PRSS56: variants seen among roughly 807,000 people sequenced by gnomAD.
PRSS56 encodes the protein protease, serine 56.
A neutral mutation model predicts 66.8 loss-of-function variants in PRSS56; 55 were observed. That is an observed-to-expected ratio of 0.82 (90% CI 0.66 to 1.03). The LOEUF (loss-of-function observed/expected upper bound fraction) is 1.03. PRSS56 is among the 50% of genes least tolerant of loss of function. The pLI is 0.00. For synonymous variants in PRSS56, 409 were observed against 387.9 expected (o/e 1.05, Z -0.64); for missense variants, 869 against 837.2 (o/e 1.04, Z -0.47).
intron 12 of PRSS56, 56 bp downstream of exon 12, chr2:232,524,900 GC>G: frequency 7.3e-7 from 1 of 1,378,196 alleles, no homozygotes; most frequent in African/African-American, 1.4e-5. Flanking sequence ...CTGAGACCCA[GC>G]CCAGGGAAGA....
chr2:232,524,742 C>A lies in PRSS56; in HGVS notation c.1419C>A (p.Cys473Ter). 6.6e-7 allele frequency: 1 copy of A among 1,522,802 alleles called. No individual in the cohort carries two copies. Among genetic ancestry groups the A allele is most frequent in the Non-Finnish European group, 8.8e-7 (1 of 1,136,762 alleles). The allele number at this position is 1,522,802 out of a possible 1,614,324, so 94.3% of individuals were successfully genotyped here. The change falls in exon 12 of 13, where the codon TGC becomes TGA. Residue 473 changes from cysteine (C) to a stop codon, truncating the protein, a stop_gained. Coordinates refer to ENST00000617714, the MANE Select transcript of PRSS56 (RefSeq NM_001195129.2). LOFTEE classifies it high-confidence loss of function. The stretch of plus-strand genomic sequence containing the variant: ...GGGCCTCTCCTCTTCCTCCAGGCTG[C>A]CCTGGGCTGGAGCCCCTGCGACAGA... The part of the protein sequence containing the change: ...RPEPRGEANG[C>*]PGLEPLRQKL...
In PRSS56 at chr2:232,524,369, G is replaced by A. The variant is rs1349758069; in HGVS notation, c.1414G>A (p.Gly472Ser). The change falls in exon 11 of 13, where the codon GGC becomes AGC. Residue 472 changes from glycine to serine, a missense_variant and splice_region_variant. This residue lies in a region of PRSS56 where 551 missense variants were observed against 506.9 expected (regional missense o/e 1.09). Coordinates refer to ENST00000617714, the MANE Select transcript of PRSS56 (RefSeq NM_001195129.2). ...GCCGGAGCCGCGCGGAGAAGCCAAC[G>A]GTAATGACGCCCCCTGCCGACCTTC... Reference protein sequence around the residue: ...RRPEPRGEANGCPGLEPLRQK... With the variant: ...RRPEPRGEANSCPGLEPLRQK... The A allele has an allele frequency of 6.5e-7, 1 of 1,535,100 alleles. No homozygotes were observed. The highest frequency in any genetic ancestry group is 8.7e-7 in the Non-Finnish European group (1 of 1,146,564).
intron 4 of PRSS56, 85 bp from the exon 5 acceptor site, chr2:232,522,430 A>C: frequency 3.3e-6 from 4 of 1,219,886 alleles, no homozygotes; most frequent in South Asian, 1.6e-5. Context: ...AAAGCCCGGC[A>C]TGCGGGCGGA....
chr2:232,524,101 C>A lies in PRSS56; in HGVS notation c.1249C>A (p.Pro417Thr). 2.6e-6 allele frequency: 4 copies of A among 1,521,348 alleles called. No individual in the cohort carries two copies. Among genetic ancestry groups the A allele is most frequent in the Non-Finnish European group, 3.5e-6 (4 of 1,141,220 alleles). The allele number at this position is 1,521,348 out of a possible 1,614,324, so 94.2% of individuals were successfully genotyped here. The change falls in exon 10 of 13, where the codon CCT (proline) becomes ACT (threonine). Residue 417 changes from proline to threonine, a missense_variant. Pro to Thr is a conservative substitution (Grantham distance 38). Coordinates refer to ENST00000617714, the MANE Select transcript of PRSS56 (RefSeq NM_001195129.2). ...GCGGAACGCGCAGGAGCTGCTCGGG[C>A]CTCGTCCGGGACTGCGGCGCCTGGC... ...LLRNAQELLG[P>T]RPGLRRLAPA... is the part of the protein sequence containing the mutation.
In PRSS56 at chr2:232,523,100, C is replaced by T. The variant is rs1480127071; in HGVS notation, c.747C>T (p.Pro249=). The T allele has an allele frequency of 1.3e-6, 2 of 1,535,258 alleles. No homozygotes were observed. The highest frequency in any genetic ancestry group is 2.4e-5 in the East Asian group (1 of 40,870). The stretch of plus-strand genomic sequence containing the variant: ...AAGCAGTGAGAGAGGCCCGTGTTCC[C>T]CTGCTCAGCACCGACACCTGCCGAA... ...EAEAVREARV[P]LLSTDTCRRA... The change falls in exon 7 of 13, where the codon CCC becomes CCT. Residue 249 remains proline (P), a synonymous_variant. Transcript: ENST00000617714.
chr2:232,524,110 G>A lies in PRSS56; in HGVS notation c.1258G>A (p.Gly420Arg). ...GCAGGAGCTGCTCGGGCCTCGTCCG[G>A]GACTGCGGCGCCTGGCCCCCGCCCT... ...NAQELLGPRP[G>R]LRRLAPALAL... Residue 420 changes from glycine to arginine, a missense_variant, in exon 10 of 13, where the codon GGA becomes AGA. This residue lies in a region of PRSS56 where 551 missense variants were observed against 506.9 expected (regional missense o/e 1.09). Transcript: ENST00000617714. The A allele has an allele frequency of 2.6e-6, 4 of 1,515,460 alleles. No homozygotes were observed. The highest frequency in any genetic ancestry group is 3.5e-6 in the Non-Finnish European group (4 of 1,138,728). 93.9% of individuals were successfully genotyped at this position (1,515,460 alleles called of 1,614,324 possible).
chr2:232,525,506 A>G lies in PRSS56; in HGVS notation c.1812A>G (p.Ter604TrpextTer24). The change falls in exon 13 of 13, where the codon TGA (stop) becomes TGG (tryptophan). Residue 604 changes from the stop codon to tryptophan, a stop_lost. Transcript: ENST00000617714. ...NPQVPPARQP[*>W] ...AGGTACCCCCCGCCAGGCAACCCTG[A>G]GCCATGTCTGGGCCCCCAGCCCCTG... The G allele has an allele frequency of 2.7e-6, 4 of 1,470,882 alleles. No homozygotes were observed. Among genetic ancestry groups the G allele is most frequent in the Non-Finnish European group, 3.6e-6 (4 of 1,109,992 alleles). 91.1% of individuals were successfully genotyped at this position (1,470,882 alleles called of 1,614,324 possible).
intron 8 of PRSS56, 41 bp from the exon 9 acceptor site, chr2:232,523,731 C>G: frequency 6.5e-7 from 1 of 1,533,550 alleles, no homozygotes; most frequent in Non-Finnish European, 8.7e-7. Flanking sequence ...GGCTAGGGCC[C>G]CAAACAGAGG....
Position 232,523,902 on chromosome 2 carries a change from G to A in PRSS56, c.1143G>A (p.Ala381=), listed in dbSNP as rs1207348434. Residue 381 remains alanine, a synonymous_variant, in exon 9 of 13, where the codon GCG becomes GCA. Transcript: ENST00000617714. ...RLCPGSQGAC[A]RLAHQQCLQR... is the part of the protein sequence containing the mutation. The stretch of plus-strand genomic sequence containing the variant: ...GCCCGGGGTCCCAGGGCGCCTGTGC[G>A]CGCCTGGCGCACCAGCAGTGCCTGC... 7 of 1,519,590 alleles carry A rather than the reference G, an allele frequency of 4.6e-6. No individual in the cohort carries two copies. The highest frequency in any genetic ancestry group is 1.4e-5 in the African/African-American group (1 of 71,974). 94.1% of individuals were successfully genotyped at this position (1,519,590 alleles called of 1,614,324 possible).
intron 2 of PRSS56, 82 bp from the exon 3 acceptor site, chr2:232,521,733 TG>T: frequency 7.4e-7 from 1 of 1,357,916 alleles, no homozygotes; most frequent in Non-Finnish European, 1.0e-6. Flanking sequence ...AAAGGAGAGA[TG>T]GGGAGAGAGA....
rs756796629 is a variant in PRSS56, at chr2:232,523,499, C to T, written c.933C>T (p.Asp311=). ...EVLFGVTSWG[D]GCGEPGKPGV... ...TGTTCGGAGTCACCTCCTGGGGGGA[C>T]GGCTGCGGGGAGCCAGGGAAGCCCG... is the stretch of plus-strand genomic sequence containing the variant. The change falls in exon 8 of 13, where the codon GAC becomes GAT. Residue 311 remains aspartate, a synonymous_variant. Coordinates refer to ENST00000617714, the MANE Select transcript of PRSS56 (RefSeq NM_001195129.2). 38 of 1,531,122 alleles carry T rather than the reference C, an allele frequency of 2.5e-5. No individual in the cohort carries two copies. In the South Asian group the frequency reaches 4.2e-4, roughly 17 times the overall value. The allele number at this position is 1,531,122 out of a possible 1,614,324, so 94.8% of individuals were successfully genotyped here.
At chr2:232,520,727 T>G (rs1574621300) in intron 1 of PRSS56, 32 bp downstream of exon 1, 1 of 1,431,582 alleles carries the variant, frequency 7.0e-7, no homozygotes, top group African/African-American at 1.4e-5. Flanking sequence ...AGCCGCGGGG[T>G]TGGGAGGAAT....
Position 232,521,703 on chromosome 2 carries a change from G to A in PRSS56, c.206-113G>A, listed in dbSNP as rs1691280719. ...ATGGTTGCTGAAATAGAACCCGTGTGGGCTGGAGGGCTGAGCGCGAAAGGA... is the reference window on the plus strand; with the variant it reads ...ATGGTTGCTGAAATAGAACCCGTGTAGGCTGGAGGGCTGAGCGCGAAAGGA... On this transcript the variant is annotated intron_variant, in intron 2 of 12. Coordinates refer to ENST00000617714, the MANE Select transcript of PRSS56 (RefSeq NM_001195129.2). 6 of 1,068,964 alleles carry A rather than the reference G, an allele frequency of 5.6e-6. No individual in the cohort carries two copies. In the Admixed American group the frequency reaches 1.1e-4, roughly 20 times the overall value. 66.2% of individuals were successfully genotyped at this position (1,068,964 alleles called of 1,614,324 possible).
intron 1 of PRSS56, among the ~76,000 whole-genome samples, chr2:232,521,018 G>A (rs1691264908): frequency 2.0e-5 from 3 of 152,236 alleles, no homozygotes; most frequent in Admixed American, 2.0e-4. Context: ...GCTACTTTCA[G>A]TCAATAAAGC....
In PRSS56 at chr2:232,524,291, C is replaced by A. The variant is rs868803604; in HGVS notation, c.1352-16C>A. The A allele has an allele frequency of 2.6e-6, 4 of 1,535,766 alleles. No individual in the cohort carries two copies. Among genetic ancestry groups the A allele is most frequent in the Middle Eastern group, 1.7e-4 (1 of 5,980 alleles). On this transcript the variant is annotated splice_polypyrimidine_tract_variant and intron_variant, in intron 10 of 12. Coordinates refer to ENST00000617714, the MANE Select transcript of PRSS56 (RefSeq NM_001195129.2). ...TTTCTCCGCCGAGGCGGTACCCTAA[C>A]CCTGTGCCTCCCCAGGATCGCGGGC...
intron 12 of PRSS56, 58 bp downstream of exon 12, chr2:232,524,902 C>T: frequency 7.3e-7 from 1 of 1,370,796 alleles, no homozygotes; most frequent in South Asian, 1.2e-5. Flanking sequence ...GAGACCCAGC[C>T]CAGGGAAGAT....
In PRSS56 at chr2:232,522,698, T is replaced by A. The variant is rs1326310121; in HGVS notation, c.547-4T>A. 1.3e-6 allele frequency: 2 copies of A among 1,533,514 alleles called. No individual in the cohort carries two copies. The highest frequency in any genetic ancestry group is 1.7e-6 in the Non-Finnish European group (2 of 1,145,602). 95.0% of individuals were successfully genotyped at this position (1,533,514 alleles called of 1,614,324 possible). A position where few individuals can be genotyped will look rare whatever the true frequency, so the allele number is the denominator to read the frequency against. On this transcript the variant is annotated splice_region_variant and splice_polypyrimidine_tract_variant and intron_variant, in intron 5 of 12. Transcript: ENST00000617714. ...TTGACCCTGCGCCGCCTCCCCCTCC[T>A]CAGTTTGACCCGCGGACCTTCCACA...
At chr2:232,524,687 G>A in intron 11 of PRSS56, 51 bp from the exon 12 acceptor site, 4 of 1,355,648 alleles carry the variant, frequency 3.0e-6, no homozygotes, top group Non-Finnish European at 4.0e-6. Context: ...GCCACCCCCA[G>A]TTCCATACCG....
rs1691359107 is a variant in PRSS56 at position 232,524,306 on chromosome 2, G to A, written c.1352-1G>A. Reference sequence around the variant, plus strand: ...GGTACCCTAACCCTGTGCCTCCCCAGGATCGCGGGCTGCAGGCACTCGGTT... The same window carrying A: ...GGTACCCTAACCCTGTGCCTCCCCAAGATCGCGGGCTGCAGGCACTCGGTT... On this transcript the variant is annotated splice_acceptor_variant, in intron 10 of 12. Coordinates refer to ENST00000617714, the MANE Select transcript of PRSS56 (RefSeq NM_001195129.2). LOFTEE classifies it high-confidence loss of function. The A allele has an allele frequency of 1.3e-6, 2 of 1,535,764 alleles. No homozygotes were observed. Among genetic ancestry groups the A allele is most frequent in the South Asian group, 2.4e-5 (2 of 84,054 alleles).
Sources: gnomAD v4.1 joint callset for allele counts (sites outside exome capture counted in the v4.1 genomes callset) on GRCh38, gnomAD v4.1.1 for gene constraint, gnomAD v4.1.1 regional missense constraint, MANE v1.5 for transcripts, NCBI Gene and HGNC (gene_info 2026-07-23, HGNC 2026-07-21) for gene names.